NCOA1: variants seen among roughly 807,000 people sequenced by gnomAD.
The protein encoded by NCOA1 is Hin-2 protein.
A neutral mutation model predicts 150.9 loss-of-function variants in NCOA1; 35 were observed. The ratio of observed to expected loss-of-function variants is 0.23; its 90% CI spans 0.18 to 0.31. The LOEUF is 0.31. Among genes scored for constraint, NCOA1 ranks in the 10% least tolerant of loss-of-function variants. The pLI is 1.00. For synonymous variants in NCOA1, 590 were observed against 630.0 expected (o/e 0.94, Z 0.95); for missense variants, 1,491 against 1,749.3 (o/e 0.85, Z 2.63).
intron 11 of NCOA1, among the ~76,000 whole-genome samples, chr2:24,704,283 G>A (rs1673303188): frequency 6.6e-6 from 1 of 152,064 alleles, no homozygotes; most frequent in South Asian, 2.1e-4. Context: ...ATTAGTTAAG[G>A]AACTCTGTAA....
At chr2:24,619,169 T>TA (rs1669007084) in intron 3 of NCOA1, among the ~76,000 whole-genome samples, 1 of 152,222 alleles carries the variant, frequency 6.6e-6, no homozygotes, top group African/African-American at 2.4e-5. Context: ...TAGGCATCAT[T>TA]AAAATGATAT....
chr2:24,500,736 G>A (rs948473589), intron 1 of NCOA1, among the ~76,000 whole-genome samples: 17 of 152,216 alleles, frequency 1.1e-4, no homozygotes, highest in African/African-American at 4.1e-4. Context: ...TCCTTTTTGT[G>A]AAACGTGGCT....
rs538577406 is a variant in NCOA1, at chr2:24,768,692, C to T, written c.*301C>T. On this transcript the variant is annotated 3_prime_UTR_variant, in exon 23 of 23. Coordinates refer to ENST00000348332, the MANE Select transcript of NCOA1 (RefSeq NM_003743.5). ...TCTTATTTTTGTAATCAGTCATTGG[C>T]TTCTTATCTGGATGAAGGCTTTTGG... The T allele has an allele frequency of 2.6e-5, 6 of 230,066 alleles. No individual in the cohort carries two copies. In the East Asian group the frequency reaches 4.0e-4, roughly 15 times the overall value. 14.3% of individuals were successfully genotyped at this position (230,066 alleles called of 1,614,324 possible). A position where few individuals can be genotyped will look rare whatever the true frequency, so the allele number is the denominator to read the frequency against.
At chr2:24,603,691 G>A (rs965927531) in intron 3 of NCOA1, among the ~76,000 whole-genome samples, 23 of 152,086 alleles carry the variant, frequency 1.5e-4, no homozygotes, top group Admixed American at 6.5e-4. Flanking sequence ...GCTCCATTTC[G>A]AATTCTGGTT....
chr2:24,608,246 CTATTATTAT>C (rs202179395), intron 3 of NCOA1, among the ~76,000 whole-genome samples: 7,397 of 131,806 alleles, frequency 0.056, 222 homozygotes, highest in East Asian at 0.076. Context: ...CCCAGTTCCC[CTATTATTAT>C]TATTATTATT....
intron 3 of NCOA1, among the ~76,000 whole-genome samples, chr2:24,600,947 T>C (rs1668085965): frequency 6.6e-6 from 1 of 152,188 alleles, no homozygotes; most frequent in Non-Finnish European, 1.5e-5. Flanking sequence ...TCTCTGCAAG[T>C]AGTTTGTGTT....
intron 1 of NCOA1, among the ~76,000 whole-genome samples, chr2:24,498,976 A>G (rs1663342284): frequency 1.3e-5 from 2 of 152,174 alleles, no homozygotes; most frequent in Admixed American, 6.5e-5. Context: ...AAGTTGGTAC[A>G]AAATCTTTTT....
intron 3 of NCOA1, among the ~76,000 whole-genome samples, chr2:24,608,102 T>A (rs538547362): frequency 1.3e-3 from 192 of 152,096 alleles, no homozygotes; most frequent in African/African-American, 4.3e-3. Flanking sequence ...TTGATTTAGT[T>A]TCCTTCATGA....
chr2:24,746,186 T>A (rs1663907894), intron 19 of NCOA1, among the ~76,000 whole-genome samples: 1 of 152,236 alleles, frequency 6.6e-6, no homozygotes, highest in Non-Finnish European at 1.5e-5. Flanking sequence ...GAATTCTAAT[T>A]CTAGTTGCCA....
At chr2:24,768,077 A>G in intron 22 of NCOA1, 144 bp from the exon 23 acceptor site, 1 of 1,613,548 alleles carries the variant, frequency 6.2e-7, no homozygotes, top group Non-Finnish European at 8.5e-7. Context: ...TTCTTTTTGT[A>G]GGACAAGAAG....
chr2:24,678,674 T>G (rs1672028157), intron 7 of NCOA1, among the ~76,000 whole-genome samples: 1 of 152,234 alleles, frequency 6.6e-6, no homozygotes, highest in African/African-American at 2.4e-5. Flanking sequence ...GTTGGCTGCA[T>G]GAATGTTTTC....
intron 3 of NCOA1, among the ~76,000 whole-genome samples, chr2:24,599,687 T>C (rs567530863): frequency 1.3e-5 from 2 of 151,926 alleles, no homozygotes; most frequent in South Asian, 4.2e-4. Context: ...TTGTAACTTA[T>C]ATACAGCCCT....
At chr2:24,617,347 C>G (rs1225385437) in intron 3 of NCOA1, among the ~76,000 whole-genome samples, 1 of 152,110 alleles carries the variant, frequency 6.6e-6, no homozygotes, top group Non-Finnish European at 1.5e-5. Flanking sequence ...TATGATCTCT[C>G]CACCTCAACT....
At chr2:24,730,054 C>T (rs1017476135) in intron 17 of NCOA1, among the ~76,000 whole-genome samples, 9 of 152,138 alleles carry the variant, frequency 5.9e-5, no homozygotes, top group Non-Finnish European at 1.2e-4. Context: ...CCATATTGGC[C>T]AGGATGGTCT....
rs764261297 is a variant in NCOA1, at chr2:24,697,719, T to C, written c.870T>C (p.Asp290=). ...CTGCTGGCAGAACTGGTTGGGAAGA[T>C]TTAGTGAGGAAGTGCATTTATGCTT... is the stretch of plus-strand genomic sequence containing the variant. ...LRAAGRTGWE[D]LVRKCIYAFF... Residue 290 remains aspartate (D), a synonymous_variant, in exon 11 of 23, where the codon GAT becomes GAC. Transcript: ENST00000348332. The C allele has an allele frequency of 1.2e-6, 2 of 1,613,334 alleles. No individual in the cohort carries two copies.
chr2:24,612,314 T>G (rs777587927), intron 3 of NCOA1, among the ~76,000 whole-genome samples: 1 of 152,222 alleles, frequency 6.6e-6, no homozygotes, highest in Non-Finnish European at 1.5e-5. Flanking sequence ...TCTGACTACC[T>G]TTAAGACTTT....
chr2:24,752,791 A>T (rs1179824478), intron 20 of NCOA1, among the ~76,000 whole-genome samples: 1 of 152,150 alleles, frequency 6.6e-6, no homozygotes, highest in Non-Finnish European at 1.5e-5. Context: ...ACAATAACAA[A>T]AGTTTTTAAG....
chr2:24,493,398 T>C (rs1663063495), intron 1 of NCOA1, among the ~76,000 whole-genome samples: 1 of 152,220 alleles, frequency 6.6e-6, no homozygotes, highest in Non-Finnish European at 1.5e-5. Context: ...AACAGGTGTT[T>C]AGTTTGATTT....
At chr2:24,556,339 A>G (rs1666069744) in intron 1 of NCOA1, among the ~76,000 whole-genome samples, 1 of 152,170 alleles carries the variant, frequency 6.6e-6, no homozygotes, top group Non-Finnish European at 1.5e-5. Flanking sequence ...ATTCTGTTTC[A>G]TGGCTGCATA....
Sources: allele counts gnomAD v4.1 joint callset (sites outside exome capture counted in the v4.1 genomes callset), GRCh38; gene constraint gnomAD v4.1.1; transcripts MANE v1.5; gene names NCBI Gene and HGNC (gene_info 2026-07-23, HGNC 2026-07-21).